SYTL2: variants seen among roughly 807,000 people sequenced by gnomAD.
The protein encoded by SYTL2 is synaptotagmin-like protein 2.
A neutral mutation model predicts 198.7 loss-of-function variants in SYTL2; 165 were observed. That is an observed-to-expected ratio of 0.83 (90% CI 0.73 to 0.94). The LOEUF is 0.94. Ranked by LOEUF, SYTL2 falls within the 40% of genes least tolerant of loss-of-function variation. The pLI, the probability that SYTL2 is intolerant of heterozygous loss-of-function variation, is 0.00. For missense variants in SYTL2, 2,835 were observed against 2,582.8 expected (o/e 1.10, Z -2.12); for synonymous variants, 966 against 917.7 (o/e 1.05, Z -0.95).
chr11:85,833,098 A>C, the SYTL2 span, among the ~76,000 whole-genome samples: 221 of 32,538 alleles, frequency 6.8e-3, 11 homozygotes, highest in African/African-American at 0.02. Context: ...AAAGAAAGAA[A>C]GAAGGAAGGA....
intron 7 of SYTL2, among the ~76,000 whole-genome samples, chr11:85,730,866 T>C (rs2089742508): frequency 6.6e-6 from 1 of 152,204 alleles, no homozygotes; most frequent in African/African-American, 2.4e-5. Context: ...GCCCAAAATC[T>C]CCTTAAGCTG....
intron 16 of SYTL2, among the ~76,000 whole-genome samples, chr11:85,704,643 T>G (rs2084843661): frequency 6.6e-6 from 1 of 152,198 alleles, no homozygotes; most frequent in African/African-American, 2.4e-5. Context: ...AGGACTGAAT[T>G]ATTTAAAAGA....
At chr11:85,730,145 G>C (rs2089647535) in intron 7 of SYTL2, among the ~76,000 whole-genome samples, 1 of 152,160 alleles carries the variant, frequency 6.6e-6, no homozygotes, top group Non-Finnish European at 1.5e-5. Flanking sequence ...TGGATTCACA[G>C]CCGAATTCTA....
intron 4 of SYTL2, among the ~76,000 whole-genome samples, chr11:85,738,952 C>A (rs528654724): frequency 6.6e-6 from 1 of 152,086 alleles, no homozygotes; most frequent in Non-Finnish European, 1.5e-5. Flanking sequence ...GCCTCCAGGC[C>A]GCCAGCCTCA....
In SYTL2 at chr11:85,726,260, G is replaced by A. The variant is rs750635309; in HGVS notation, c.3098C>T (p.Thr1033Ile). The change falls in exon 8 of 20, where the codon ACC (threonine) becomes ATC (isoleucine). Residue 1033 changes from threonine to isoleucine, a missense_variant. Physicochemically the swap from Thr to Ile is moderately conservative, Grantham distance 89 (BLOSUM62 -1). Around this residue, in one of 3 missense-constraint regions of SYTL2, gnomAD observed 2,645 missense variants for 2,381.7 expected, o/e 1.11. Coordinates refer to ENST00000359152, the MANE Select transcript of SYTL2 (RefSeq NM_206927.4). ...FSDIKLSGKN[T>I]HEAEVLLSPK... is the part of the protein sequence containing the mutation. ...GCTTAGAAGCACCTCTGCTTCATGG[G>A]TATTTTTACCTGATAATTTAATGTC... 1.9e-6 allele frequency: 3 copies of A among 1,613,590 alleles called. No individual in the cohort carries two copies. In the South Asian group the frequency reaches 3.3e-5, roughly 18 times the overall value.
chr11:85,851,828 T>G, the SYTL2 span, among the ~76,000 whole-genome samples: 3 of 152,220 alleles, frequency 2.0e-5, no homozygotes, highest in Admixed American at 2.0e-4. Flanking sequence ...CTTTAAAAAT[T>G]TTCCGCTGGT....
At chr11:85,790,367 G>A (rs181283860) in intron 1 of SYTL2, among the ~76,000 whole-genome samples, 1 of 152,150 alleles carries the variant, frequency 6.6e-6, no homozygotes, top group African/African-American at 2.4e-5. Context: ...CCTATCCCAA[G>A]CACAACCCCT....
At chr11:85,840,304 T>C in the SYTL2 span, among the ~76,000 whole-genome samples, 1 of 152,288 alleles carries the variant, frequency 6.6e-6, no homozygotes, top group Non-Finnish European at 1.5e-5. Context: ...GTGATCCCAT[T>C]TGTCTGTCTT....
At chr11:85,700,842 T>C (rs1056075246) in intron 16 of SYTL2, among the ~76,000 whole-genome samples, 5 of 152,170 alleles carry the variant, frequency 3.3e-5, no homozygotes, top group African/African-American at 1.2e-4. Context: ...GTCTCAAAGA[T>C]GGTGAAGAAA....
the SYTL2 span, among the ~76,000 whole-genome samples, chr11:85,837,612 ACT>A: frequency 6.6e-6 from 1 of 151,988 alleles, no homozygotes; most frequent in Admixed American, 6.6e-5. Flanking sequence ...TGATGGAGCT[ACT>A]CTCCTGATGA....
intron 1 of SYTL2, among the ~76,000 whole-genome samples, chr11:85,796,752 G>A (rs1356303018): frequency 6.6e-6 from 1 of 152,242 alleles, no homozygotes; most frequent in Non-Finnish European, 1.5e-5. Flanking sequence ...CAGAGTGAAA[G>A]TAGGCAATTT....
chr11:85,798,018 A>AT (rs5793171), intron 1 of SYTL2, among the ~76,000 whole-genome samples: 70,288 of 145,388 alleles, frequency 0.48, 16,644 homozygotes, highest in South Asian at 0.51. Flanking sequence ...TATGCCAGCT[A>AT]TTTTTTTTTT....
chr11:85,805,327 C>CA (rs200930675), intron 1 of SYTL2, among the ~76,000 whole-genome samples: 15,291 of 95,550 alleles, frequency 0.16, 1,119 homozygotes, highest in African/African-American at 0.28. Flanking sequence ...CCCATCTCTA[C>CA]AAAAAAAAAA....
intron 9 of SYTL2, chr11:85,719,069 T>G: frequency 6.6e-7 from 1 of 1,509,210 alleles, no homozygotes; most frequent in South Asian, 1.2e-5. Context: ...ACATCACTGC[T>G]GCACACAGAC....
the SYTL2 span, chr11:85,854,000 A>G: frequency 6.6e-6 from 1 of 151,902 alleles, no homozygotes; most frequent in African/African-American, 2.4e-5. Context: ...ACTCACCACT[A>G]TGCCTGGCTA....
Position 85,772,521 on chromosome 11 carries a change from T to C in SYTL2, c.-389-14407A>G, listed in dbSNP as rs75281172. On this transcript the variant is annotated intron_variant, in intron 1 of 19. Coordinates refer to ENST00000359152, the MANE Select transcript of SYTL2 (RefSeq NM_206927.4). ...CAACTCTGCCCAGGCATTATGTCTC[T>C]GAATCTGCAAAATCCAGTCATCCTT... Among the ~76,000 whole-genome samples the C allele has an allele frequency of 2.7e-3, 413 of 152,378 alleles. 2 individuals carry two copies. Among genetic ancestry groups the C allele is most frequent in the Middle Eastern group, 0.01 (3 of 294 alleles).
At chr11:85,783,607 G>A (rs563505380) in intron 1 of SYTL2, among the ~76,000 whole-genome samples, 15 of 152,020 alleles carry the variant, frequency 9.9e-5, no homozygotes, top group Admixed American at 4.6e-4. Flanking sequence ...TTCTAGGCAC[G>A]GTTTTAAGTA....
chr11:85,800,064 G>A (rs1300940209), intron 1 of SYTL2, among the ~76,000 whole-genome samples: 1 of 152,112 alleles, frequency 6.6e-6, no homozygotes, highest in Non-Finnish European at 1.5e-5. Flanking sequence ...CTTGGTCACT[G>A]CATCTACAGG....
chr11:85,816,596 C>T, the SYTL2 span, among the ~76,000 whole-genome samples: 1 of 152,038 alleles, frequency 6.6e-6, no homozygotes, highest in African/African-American at 2.4e-5. Flanking sequence ...TACTTCATAC[C>T]ATAGAACTGT....
Sources: allele counts gnomAD v4.1 joint callset (sites outside exome capture counted in the v4.1 genomes callset), GRCh38; gene constraint gnomAD v4.1.1; regional missense constraint gnomAD v4.1.1; transcripts MANE v1.5; gene names NCBI Gene and HGNC (gene_info 2026-07-23, HGNC 2026-07-21).